Variants in MEG3 observed in about 807,000 individuals in gnomAD.
MEG3 encodes the protein Very putative protein from MEG3 locus.
At chr14:100,857,540 T>A (rs1215512070) in exon 1 of MEG3, 1 of 152,268 alleles carries the variant, frequency 6.6e-6, no homozygotes, top group Non-Finnish European at 1.5e-5. Flanking sequence ...TTTCCCACAG[T>A]CAGTGGCATG....
rs367933693 is a variant in MEG3, at chr14:100,845,430, T to C, written n.3046-28T>C. ...CTCGCCGGCCTGAGTGAGGTTCTAC[T>C]CTGTGACCTAGTGCCTTCTTGTTAC... On this transcript the variant is annotated intron_variant and non_coding_transcript_variant, in intron 2 of 3. Coordinates refer to the MEG3 transcript ENST00000398461. This position sits in a 1 kb window ranked among gnomAD's most constrained non-coding sequence, Gnocchi z 5.2. The C allele has an allele frequency of 2.2e-6, 1 of 455,816 alleles. No homozygotes were observed. Among genetic ancestry groups the C allele is most frequent in the Non-Finnish European group, 4.4e-6 (1 of 226,526 alleles). The allele number at this position is 455,816 out of a possible 1,614,324, so 28.2% of individuals were successfully genotyped here.
chr14:100,826,908 C>G (rs1280117633), intron 1 of MEG3, among the ~76,000 whole-genome samples: 6 of 151,968 alleles, frequency 3.9e-5, no homozygotes, highest in Admixed American at 3.9e-4. Flanking sequence ...TGCCAGTAGC[C>G]CCCTAGGATC....
intron 1 of MEG3, among the ~76,000 whole-genome samples, chr14:100,826,523 G>T (rs549201045): frequency 6.6e-6 from 1 of 152,336 alleles, no homozygotes; most frequent in South Asian, 2.1e-4. Flanking sequence ...ACTCCTCTTG[G>T]ATTCGGGTAT....
upstream of MEG3, chr14:100,852,801 G>A (rs2038123959): frequency 4.8e-6 from 1 of 208,044 alleles, no homozygotes; most frequent in Non-Finnish European, 9.9e-6. Flanking sequence ...GCTGCTAGGA[G>A]AGCCTGCTCC....
At position 100,838,327 on chromosome 14, in the gene MEG3, G is replaced by A. The variant is rs80252096; in HGVS notation, n.3045+2027G>A. 1.9e-3 allele frequency among the ~76,000 whole-genome samples: 285 copies of A among 152,252 alleles called. 4 individuals carry two copies. The East Asian group carries it at 0.051, about 27-fold the overall frequency. On this transcript the variant is annotated intron_variant and non_coding_transcript_variant, in intron 2 of 3. Transcript: ENST00000398461. ...CTCTTTGCACTGAGTTGTATTTCAGGTACTCATGAGTGTTTCGGTCTCAGG... is the reference window on the plus strand; with the variant it reads ...CTCTTTGCACTGAGTTGTATTTCAGATACTCATGAGTGTTTCGGTCTCAGG...
At chr14:100,835,088 C>T (rs1030413133) in exon 1 of MEG3, 1 of 339,778 alleles carries the variant, frequency 2.9e-6, no homozygotes, top group Non-Finnish European at 5.8e-6. Context: ...ACTGTGGCTC[C>T]ATAGAGGTAG....
chr14:100,845,766 T>G lies in MEG3; in HGVS notation n.3121+233T>G, dbSNP rs1201205876. 2 of 229,778 alleles carry G rather than the reference T, an allele frequency of 8.7e-6. No individual in the cohort carries two copies. The highest frequency in any genetic ancestry group is 4.7e-5 in the African/African-American group (2 of 42,844). 14.2% of individuals were successfully genotyped at this position (229,778 alleles called of 1,614,324 possible). ...TTGTGTTGTCTCTGTGGCAAAAGAA[T>G]TCTATAGGCGGGCTTCAAATGTCGG... On this transcript the variant is annotated intron_variant and non_coding_transcript_variant, in intron 3 of 3. Coordinates refer to the MEG3 transcript ENST00000398461. This position sits in a 1 kb window ranked among gnomAD's most constrained non-coding sequence, Gnocchi z 5.2.
chr14:100,854,790 G>A (rs2038188107), upstream of MEG3: 1 of 152,660 alleles, frequency 6.6e-6, no homozygotes, highest in Non-Finnish European at 1.5e-5. Context: ...AGGGGAATTG[G>A]GTTCCCCGCG....
rs8010654 is a variant in MEG3, at chr14:100,843,925, T to C, written n.3046-1533T>C. 5.6e-3 allele frequency among the ~76,000 whole-genome samples: 838 copies of C among 149,694 alleles called. 7 individuals carry two copies. Among genetic ancestry groups the C allele is most frequent in the African/African-American group, 0.017 (685 of 40,624 alleles). ...CGCAATCTTGGCTCACTGTAATCTCTGCCTCCCACGTTCAAGCGATTCTCC... is the reference window on the plus strand; with the variant it reads ...CGCAATCTTGGCTCACTGTAATCTCCGCCTCCCACGTTCAAGCGATTCTCC... On this transcript the variant is annotated intron_variant and non_coding_transcript_variant, in intron 2 of 3. Coordinates refer to the MEG3 transcript ENST00000398461.
exon 1 of MEG3, chr14:100,835,065 G>T (rs1276351025): frequency 1.7e-5 from 6 of 350,060 alleles, no homozygotes; most frequent in African/African-American, 1.3e-4. Context: ...TTGCCCAGGG[G>T]CTGGAGCAGT....
chr14:100,839,372 TC>T (rs1323404878), intron 2 of MEG3, among the ~76,000 whole-genome samples: 2 of 152,162 alleles, frequency 1.3e-5, no homozygotes, highest in Admixed American at 6.5e-5. Flanking sequence ...TGTCCCCTCT[TC>T]CAAAGGAGGA....
chr14:100,860,108 C>G (rs1482357828), exon 1 of MEG3: 1 of 158,572 alleles, frequency 6.3e-6, no homozygotes, highest in Non-Finnish European at 1.4e-5. Flanking sequence ...CCTGTGCTCC[C>G]TGGAACTGTC....
At chr14:100,857,013 C>G (rs1260540574), upstream of MEG3, 2 of 152,096 alleles carry the variant, frequency 1.3e-5, no homozygotes, top group Non-Finnish European at 2.9e-5. Context: ...CGAGTGGTAG[C>G]GCTTACGTTT....
chr14:100,841,356 C>T (rs1802563665), intron 2 of MEG3, among the ~76,000 whole-genome samples: 1 of 152,198 alleles, frequency 6.6e-6, no homozygotes, highest in Admixed American at 6.5e-5. Flanking sequence ...CCTTAGGCCT[C>T]AGTTTTCCCG....
At chr14:100,839,229 G>A (rs922276712) in intron 2 of MEG3, among the ~76,000 whole-genome samples, 5 of 152,148 alleles carry the variant, frequency 3.3e-5, no homozygotes, top group East Asian at 1.9e-4. Flanking sequence ...TGGACAATGC[G>A]GAAGCCAGCA....
intron 3 of MEG3, chr14:100,847,849 T>C (rs2037961021): frequency 3.3e-5 from 5 of 152,058 alleles, no homozygotes; most frequent in Admixed American, 3.3e-4. Context: ...CGAGAAGAGT[T>C]AGGCTAGGAC....
intron 1 of MEG3, among the ~76,000 whole-genome samples, chr14:100,826,827 C>T (rs993125914): frequency 2.0e-5 from 3 of 152,142 alleles, no homozygotes; most frequent in Non-Finnish European, 4.4e-5. Context: ...AAAATTTCTA[C>T]CCGATATCAT....
chr14:100,839,838 A>G (rs1304444999), intron 2 of MEG3, among the ~76,000 whole-genome samples: 2 of 152,178 alleles, frequency 1.3e-5, no homozygotes, highest in Non-Finnish European at 1.5e-5. Flanking sequence ...CTTTGCCAAG[A>G]CGAGCTCTGC....
chr14:100,845,655 G>T lies in MEG3; in HGVS notation n.3121+122G>T. The T allele has an allele frequency of 2.8e-6, 1 of 353,760 alleles. No homozygotes were observed. The allele number at this position is 353,760 out of a possible 1,614,324, so 21.9% of individuals were successfully genotyped here. Reference sequence around the variant, plus strand: ...GCTGGCGGGCACTGGCCGGGGGTCTGTGCACCGGGAGGTGGGTGCCCATCG... The same window carrying T: ...GCTGGCGGGCACTGGCCGGGGGTCTTTGCACCGGGAGGTGGGTGCCCATCG... On this transcript the variant is annotated intron_variant and non_coding_transcript_variant, in intron 3 of 3. Transcript: ENST00000398461. The surrounding 1 kb of genome is among the most constrained non-coding windows in gnomAD (Gnocchi z 5.2).
Sources: gnomAD v4.1 joint callset for allele counts (sites outside exome capture counted in the v4.1 genomes callset) on GRCh38, gnomAD v4.1.1 for gene constraint, Gnocchi (gnomAD v3.1) non-coding constraint, MANE v1.5 for transcripts, NCBI Gene and HGNC (gene_info 2026-07-23, HGNC 2026-07-21) for gene names.